ARMC8: variants seen among roughly 807,000 people sequenced by gnomAD.
ARMC8 encodes armadillo repeat containing 8, also known as armadillo repeat-containing protein 8.
A neutral mutation model predicts 99.3 loss-of-function variants in ARMC8; 20 were observed. That is an observed-to-expected ratio of 0.20 (90% CI 0.14 to 0.29). The LOEUF (loss-of-function observed/expected upper bound fraction) is 0.29, where lower values mean the gene tolerates loss of function less well. Among genes scored for constraint, ARMC8 ranks in the 10% least tolerant of loss-of-function variants. The probability of loss-of-function intolerance (pLI) is 1.00; values close to 1 mark genes in which losing one functional copy is unlikely to be tolerated. For missense variants in ARMC8, 569 were observed against 809.5 expected, an observed-to-expected ratio of 0.70 and a Z score of 3.60; for synonymous variants, 263 against 278.3, an observed-to-expected ratio of 0.95 and a Z score of 0.55.
At chr3:138,237,202 T>A in intron 7 of ARMC8, 107 bp from the exon 8 acceptor site, 1 of 958,474 alleles carries the variant, frequency 1.0e-6, no homozygotes, top group Non-Finnish European at 1.6e-6. Flanking sequence ...CCTGTTAGTA[T>A]TTTAAGCAGA....
intron 12 of ARMC8, among the ~76,000 whole-genome samples, chr3:138,251,038 C>T (rs2047100331): frequency 6.6e-6 from 1 of 151,972 alleles, no homozygotes; most frequent in Admixed American, 6.6e-5. Flanking sequence ...GTGGTCCCAG[C>T]TATTTGGGAG....
intron 1 of ARMC8, among the ~76,000 whole-genome samples, chr3:138,207,994 G>A (rs937028732): frequency 3.3e-5 from 5 of 152,076 alleles, no homozygotes; most frequent in African/African-American, 1.2e-4. Context: ...GGATGTAGTG[G>A]CACATACCTG....
intron 19 of ARMC8, chr3:138,287,486 T>C: frequency 2.8e-6 from 1 of 361,188 alleles, no homozygotes; most frequent in Non-Finnish European, 5.6e-6. Flanking sequence ...TAGTAATTTG[T>C]GTCCTTAAAA....
chr3:138,197,928 T>A (rs901192395), intron 1 of ARMC8, among the ~76,000 whole-genome samples: 2 of 152,210 alleles, frequency 1.3e-5, no homozygotes, highest in Admixed American at 1.3e-4. Flanking sequence ...TCATAGTACT[T>A]GATTAGAAGC....
chr3:138,273,311 C>G (rs575518319), intron 17 of ARMC8, among the ~76,000 whole-genome samples, 195 bp downstream of exon 17: 3 of 152,284 alleles, frequency 2.0e-5, no homozygotes, highest in South Asian at 2.1e-4. Flanking sequence ...ACCATATCAC[C>G]CCCTATTCTC....
intron 18 of ARMC8, among the ~76,000 whole-genome samples, chr3:138,284,221 T>C (rs1475218338): frequency 6.6e-6 from 1 of 152,118 alleles, no homozygotes; most frequent in African/African-American, 2.4e-5. Flanking sequence ...ACCACCAAAG[T>C]GTTGGGGTTC....
At chr3:138,225,109 C>CTTTTTT (rs34843565) in intron 5 of ARMC8, among the ~76,000 whole-genome samples, 4 of 113,592 alleles carry the variant, frequency 3.5e-5, no homozygotes, top group African/African-American at 6.6e-5. Flanking sequence ...TTTCTTCTGG[C>CTTTTTT]TTTTTTTTTT....
chr3:138,207,245 T>G (rs535855510), intron 1 of ARMC8, among the ~76,000 whole-genome samples: 408 of 152,368 alleles, frequency 2.7e-3, no homozygotes, highest in Middle Eastern at 0.014. Context: ...AATGTCCTCC[T>G]CAGTGCCGCC....
chr3:138,208,173 G>A (rs528588918), intron 1 of ARMC8, among the ~76,000 whole-genome samples: 10 of 151,924 alleles, frequency 6.6e-5, no homozygotes, highest in Non-Finnish European at 1.2e-4. Context: ...TTCAGAATAC[G>A]AAAATATGTG....
chr3:138,262,569 G>C (rs765092119), intron 12 of ARMC8: 2 of 1,611,738 alleles, frequency 1.2e-6, no homozygotes, highest in Admixed American at 3.3e-5. Context: ...TTCAACCTTG[G>C]CTGTGTACTG....
At chr3:138,204,295 A>G (rs1559919766) in intron 1 of ARMC8, among the ~76,000 whole-genome samples, 1 of 152,074 alleles carries the variant, frequency 6.6e-6, no homozygotes, top group African/African-American at 2.4e-5. Flanking sequence ...CACATGCTCT[A>G]CTTGACTAGT....
At position 138,187,315 on chromosome 3, in the gene ARMC8, C is replaced by T. The variant is rs907652190; in HGVS notation, c.-240C>T. On this transcript the variant is annotated 5_prime_UTR_variant, in exon 1 of 22. Coordinates refer to ENST00000469044, the MANE Select transcript of ARMC8 (RefSeq NM_001363941.2). ...AACCGCTGCCCGCTTCCACCTCTAA[C>T]CCAGGCTCAGAGTAGCTGCTGTTTC... The T allele has an allele frequency of 4.2e-6, 2 of 470,674 alleles. No homozygotes were observed. Among genetic ancestry groups the T allele is most frequent in the African/African-American group, 4.0e-5 (2 of 49,432 alleles). 29.2% of individuals were successfully genotyped at this position (470,674 alleles called of 1,614,324 possible).
chr3:138,259,140 G>A (rs1576797489), intron 12 of ARMC8, among the ~76,000 whole-genome samples: 1 of 152,330 alleles, frequency 6.6e-6, no homozygotes, highest in East Asian at 1.9e-4. Context: ...GTGGAGCACG[G>A]TACTGGGGTC....
intron 1 of ARMC8, among the ~76,000 whole-genome samples, chr3:138,194,544 T>G (rs897611516): frequency 4.0e-5 from 6 of 151,478 alleles, no homozygotes; most frequent in African/African-American, 1.5e-4. Flanking sequence ...TTCACTGTGT[T>G]AGCCAGGATG....
intron 15 of ARMC8, among the ~76,000 whole-genome samples, chr3:138,269,391 CATAA>C (rs922158157): frequency 3.3e-5 from 5 of 152,048 alleles, no homozygotes; most frequent in Non-Finnish European, 5.9e-5. Flanking sequence ...AGTCAAGTAT[CATAA>C]ATAAAGTTAA....
chr3:138,226,380 C>T (rs537853041), intron 5 of ARMC8, among the ~76,000 whole-genome samples: 2 of 152,266 alleles, frequency 1.3e-5, no homozygotes, highest in East Asian at 1.9e-4. Flanking sequence ...TTACTGTAGT[C>T]GTTCTCAGAC....
chr3:138,243,694 C>G (rs1309544706), intron 11 of ARMC8, among the ~76,000 whole-genome samples: 2 of 151,900 alleles, frequency 1.3e-5, no homozygotes, highest in Non-Finnish European at 2.9e-5. Flanking sequence ...TTTTTGTTAC[C>G]TACGTTATAT....
chr3:138,210,590 G>T (rs1005933773), intron 2 of ARMC8, among the ~76,000 whole-genome samples: 1 of 152,102 alleles, frequency 6.6e-6, no homozygotes, highest in Non-Finnish European at 1.5e-5. Context: ...AAATGTGAAG[G>T]ATCCACAGGC....
Position 138,263,765 on chromosome 3 carries a change from C to T in ARMC8, c.1161C>T (p.Asp387=), listed in dbSNP as rs2047987221. 6.2e-7 allele frequency: 1 copy of T among 1,613,978 alleles called. No individual in the cohort carries two copies. Among genetic ancestry groups the T allele is most frequent in the East Asian group, 2.2e-5 (1 of 44,886 alleles). Reference sequence around the variant, plus strand: ...TCATTGAGACTGAAAATATGATGGACCGAATTGTGACTGGCTTGTCTGAGT... The same window carrying T: ...TCATTGAGACTGAAAATATGATGGATCGAATTGTGACTGGCTTGTCTGAGT... The part of the protein sequence containing the change: ...KKIIETENMM[D]RIVTGLSESS... The change falls in exon 13 of 22, where the codon GAC becomes GAT. Residue 387 remains aspartate, a synonymous_variant. Transcript: ENST00000469044.
Sources: gnomAD v4.1 joint callset for allele counts (sites outside exome capture counted in the v4.1 genomes callset) on GRCh38, gnomAD v4.1.1 for gene constraint, MANE v1.5 for transcripts, NCBI Gene and HGNC (gene_info 2026-07-23, HGNC 2026-07-21) for gene names.